ATE1: variants seen among roughly 807,000 people sequenced by gnomAD.
The protein encoded by ATE1 is arginyl-tRNA--protein transferase 1.
Under a neutral mutation model 70.5 loss-of-function variants are expected in ATE1, and 36 were observed. The observed-to-expected ratio is 0.51, with a 90% confidence interval of 0.39 to 0.67. The LOEUF is 0.67. Ranked by LOEUF, ATE1 falls within the 30% of genes least tolerant of loss-of-function variation. The probability of loss-of-function intolerance (pLI) is 0.00; values close to 1 mark genes in which losing one functional copy is unlikely to be tolerated. For synonymous variants in ATE1, 232 were observed against 219.3 expected (o/e 1.06, Z -0.51); for missense variants, 593 against 629.5 (o/e 0.94, Z 0.62).
chr10:121,901,342 T>C (rs1251920077), intron 6 of ATE1, among the ~76,000 whole-genome samples: 3 of 152,174 alleles, frequency 2.0e-5, no homozygotes, highest in Admixed American at 1.3e-4. Flanking sequence ...AAGTTAATTT[T>C]TATTATCAGG....
chr10:121,924,197 CA>C, intron 2 of ATE1, 68 bp downstream of exon 2: 1 of 1,453,706 alleles, frequency 6.9e-7, no homozygotes, highest in South Asian at 1.2e-5. Flanking sequence ...GAAAGCATTT[CA>C]AAGGCATGCT....
At position 121,743,626 on chromosome 10, in the gene ATE1, T is replaced by C. The variant is rs1944217804; in HGVS notation, c.*54A>G. On this transcript the variant is annotated 3_prime_UTR_variant, in exon 12 of 12. Coordinates refer to ENST00000224652, the MANE Select transcript of ATE1 (RefSeq NM_001001976.3). Reference sequence around the variant, plus strand: ...TTTCCCCACAGGTACTGAATATGTATCCTGGCACAAATCATCAGCACAACA... The same window carrying C: ...TTTCCCCACAGGTACTGAATATGTACCCTGGCACAAATCATCAGCACAACA... 11 of 1,512,044 alleles carry C rather than the reference T, an allele frequency of 7.3e-6. No individual in the cohort carries two copies. The South Asian group carries it at 1.5e-4, about 20-fold the overall frequency. The allele number at this position is 1,512,044 out of a possible 1,614,324, so 93.7% of individuals were successfully genotyped here. A position where few individuals can be genotyped will look rare whatever the true frequency, so the allele number is the denominator to read the frequency against.
intron 8 of ATE1, among the ~76,000 whole-genome samples, chr10:121,851,544 G>A (rs547547149): frequency 6.6e-6 from 1 of 152,328 alleles, no homozygotes; most frequent in East Asian, 1.9e-4. Context: ...AAAGCACTTT[G>A]CAGACTATAA....
At chr10:121,822,669 C>T (rs553387528) in intron 10 of ATE1, among the ~76,000 whole-genome samples, 3 of 152,262 alleles carry the variant, frequency 2.0e-5, no homozygotes, top group Non-Finnish European at 2.9e-5. Flanking sequence ...CCACATCTTC[C>T]GTGCACAGTA....
chr10:121,858,693 TA>T (rs560931143), intron 8 of ATE1, among the ~76,000 whole-genome samples: 1,029 of 63,324 alleles, frequency 0.016, 22 homozygotes, highest in African/African-American at 0.057. Context: ...TTATATATTA[TA>T]TTTTTTTAAT....
intron 4 of ATE1, 71 bp downstream of exon 4, chr10:121,913,719 C>A: frequency 9.3e-7 from 1 of 1,073,546 alleles, no homozygotes; most frequent in South Asian, 1.4e-5. Context: ...CCTTCCCCTT[C>A]CCAAGATGAC....
At chr10:121,911,403 G>A (rs1951419359) in intron 4 of ATE1, among the ~76,000 whole-genome samples, 1 of 149,154 alleles carries the variant, frequency 6.7e-6, no homozygotes, top group South Asian at 2.1e-4. Flanking sequence ...TTTAAGACCT[G>A]CCTGGGCAAC....
In ATE1 at chr10:121,809,232, G is replaced by A. The variant is rs543646376; in HGVS notation, c.1258-18943C>T. 2.0e-5 allele frequency among the ~76,000 whole-genome samples: 3 copies of A among 151,992 alleles called. No homozygotes were observed. The South Asian group carries it at 6.2e-4, about 32-fold the overall frequency. On this transcript the variant is annotated intron_variant, in intron 10 of 11. Coordinates refer to ENST00000224652, the MANE Select transcript of ATE1 (RefSeq NM_001001976.3). ...TCAGCTGTTTTCCTTGAAGTGACAA[G>A]TTTGCTACATTCGTTTTGAGAAAAT...
At chr10:121,856,111 A>T (rs1398424451) in intron 8 of ATE1, among the ~76,000 whole-genome samples, 4 of 151,674 alleles carry the variant, frequency 2.6e-5, no homozygotes, top group Non-Finnish European at 5.9e-5. Flanking sequence ...GGTATATATA[A>T]CCAAGGTAAA....
chr10:121,861,276 T>C (rs1385926545), intron 8 of ATE1, among the ~76,000 whole-genome samples: 1 of 152,162 alleles, frequency 6.6e-6, no homozygotes, highest in Non-Finnish European at 1.5e-5. Context: ...AGGAAACTCC[T>C]GGCATTTTTT....
chr10:121,893,995 G>A (rs1950673168), intron 7 of ATE1, among the ~76,000 whole-genome samples: 2 of 152,004 alleles, frequency 1.3e-5, no homozygotes, highest in South Asian at 4.1e-4. Context: ...AAATTAGCCG[G>A]GCGTGGTGGC....
In ATE1 at chr10:121,744,858, T is replaced by C. The variant is rs11200124; in HGVS notation, c.1379-1000A>G. 1.3e-4 allele frequency among the ~76,000 whole-genome samples: 20 copies of C among 152,336 alleles called. No homozygotes were observed. The South Asian group carries it at 2.7e-3, about 21-fold the overall frequency. On this transcript the variant is annotated intron_variant, in intron 11 of 11. Coordinates refer to ENST00000224652, the MANE Select transcript of ATE1 (RefSeq NM_001001976.3). ...CAATGGGATACAAGTGGAAGTGTTT[T>C]GTGGAAGTTTCCAAGCATCTTTTCC...
intron 7 of ATE1, among the ~76,000 whole-genome samples, chr10:121,895,908 C>T (rs1950763090): frequency 6.7e-6 from 1 of 150,356 alleles, no homozygotes; most frequent in Non-Finnish European, 1.5e-5. Context: ...CAGAGCAAGA[C>T]TCTGTCTCCC....
intron 7 of ATE1, chr10:121,899,080 CGAATTTGTCAT>C (rs1950881354): frequency 7.9e-7 from 1 of 1,273,382 alleles, no homozygotes. Flanking sequence ...AGCTCGAACT[CGAATTTGTCAT>C]GAAAAGAAAC....
At chr10:121,793,821 T>G (rs1190684517) in intron 10 of ATE1, among the ~76,000 whole-genome samples, 1 of 152,162 alleles carries the variant, frequency 6.6e-6, no homozygotes, top group African/African-American at 2.4e-5. Flanking sequence ...AAATCTGATG[T>G]GTGGTCAAAT....
At chr10:121,771,257 G>A (rs1008143719) in intron 11 of ATE1, among the ~76,000 whole-genome samples, 5 of 152,008 alleles carry the variant, frequency 3.3e-5, no homozygotes, top group Admixed American at 6.6e-5. Flanking sequence ...TTTTAGTAGA[G>A]ACGGGGTTTC....
chr10:121,790,948 A>ATGTG (rs10670496), intron 10 of ATE1, among the ~76,000 whole-genome samples: 56 of 135,368 alleles, frequency 4.1e-4, no homozygotes, highest in Middle Eastern at 3.9e-3. Context: ...GTACATATAT[A>ATGTG]TGTGTATATA....
intron 4 of ATE1, among the ~76,000 whole-genome samples, chr10:121,912,099 C>T (rs1220160513): frequency 6.6e-6 from 1 of 151,972 alleles, no homozygotes. Flanking sequence ...ACCGTGTAAG[C>T]CAGGATGGTC....
chr10:121,910,912 T>C lies in ATE1; in HGVS notation c.577A>G (p.Lys193Glu), dbSNP rs1951396630. The C allele has an allele frequency of 6.2e-7, 1 of 1,613,136 alleles. No individual in the cohort carries two copies. Among genetic ancestry groups the C allele is most frequent in the Non-Finnish European group, 8.5e-7 (1 of 1,179,890 alleles). Residue 193 changes from lysine (K) to glutamate (E), a missense_variant, in exon 5 of 12, where the codon AAG (lysine) becomes GAG (glutamate). This residue lies in a region of ATE1 where 467 missense variants were observed against 469.6 expected (regional missense o/e 0.99). Transcript: ENST00000224652. ...SHSVKVHTVP[K>E]PGKGADLSKP... ...TATCAAAAATCTTTACTACCTGGCT[T>C]AGGAACTGTGTGAACTTTAACTGAA...
Sources: gnomAD v4.1 joint callset for allele counts (sites outside exome capture counted in the v4.1 genomes callset) on GRCh38, gnomAD v4.1.1 for gene constraint, gnomAD v4.1.1 regional missense constraint, MANE v1.5 for transcripts, NCBI Gene and HGNC (gene_info 2026-07-23, HGNC 2026-07-21) for gene names.